Variants in MMP17 observed in about 807,000 individuals in gnomAD.
The protein encoded by MMP17 is matrix metalloproteinase-17.
Under a neutral mutation model 49.1 loss-of-function variants are expected in MMP17, and 54 were observed. The ratio of observed to expected loss-of-function variants is 1.10; its 90% CI spans 0.88 to 1.38. The LOEUF (loss-of-function observed/expected upper bound fraction) is 1.38. MMP17 is among the 40% of genes most tolerant of loss of function. The pLI is 0.00. For synonymous variants in MMP17, 397 were observed against 383.1 expected (o/e 1.04, Z -0.42); for missense variants, 837 against 853.7 (o/e 0.98, Z 0.24).
chr12:131,840,198 C>T, intron 3 of MMP17: 1 of 206,786 alleles, frequency 4.8e-6, no homozygotes, highest in Non-Finnish European at 9.8e-6. Flanking sequence ...AAAACTATCT[C>T]AGATGGGCCC....
Position 131,851,321 on chromosome 12 carries a change from G to T in MMP17, c.*47G>T. ...AGGACAGAGGCGGTGGGACAGCCTGGCCACAGAGGGCAAGGACTGTGCCGG... is the reference window on the plus strand; with the variant it reads ...AGGACAGAGGCGGTGGGACAGCCTGTCCACAGAGGGCAAGGACTGTGCCGG... On this transcript the variant is annotated 3_prime_UTR_variant, in exon 10 of 10. Coordinates refer to ENST00000360564, the MANE Select transcript of MMP17 (RefSeq NM_016155.7). 1 of 1,344,116 alleles carries T rather than the reference G, an allele frequency of 7.4e-7. No individual in the cohort carries two copies. Among genetic ancestry groups the T allele is most frequent in the Non-Finnish European group, 9.6e-7 (1 of 1,041,200 alleles). 83.3% of individuals were successfully genotyped at this position (1,344,116 alleles called of 1,614,324 possible). A position where few individuals can be genotyped will look rare whatever the true frequency, so the allele number is the denominator to read the frequency against.
chr12:131,840,613 A>T lies in MMP17; in HGVS notation c.463A>T (p.Thr155Ser), dbSNP rs554751581. 1 of 1,604,600 alleles carries T rather than the reference A, an allele frequency of 6.2e-7. No homozygotes were observed. The highest frequency in any genetic ancestry group is 8.5e-7 in the Non-Finnish European group (1 of 1,176,104). Residue 155 changes from threonine (T) to serine (S), a missense_variant, in exon 4 of 10, where the codon ACG (threonine) becomes TCG (serine). Thr to Ser is a moderately conservative substitution (Grantham distance 58, BLOSUM62 1). Transcript: ENST00000360564. ...ACGGGACTCACCACTGGGGCACGACACGGTGCGTGCACTCATGTACTACGC... is the reference window on the plus strand; with the variant it reads ...ACGGGACTCACCACTGGGGCACGACTCGGTGCGTGCACTCATGTACTACGC... Reference protein sequence around the residue: ...FPRDSPLGHDTVRALMYYALK... With the variant: ...FPRDSPLGHDSVRALMYYALK...
At chr12:131,832,322 G>A (rs56172022) in intron 1 of MMP17, among the ~76,000 whole-genome samples, 25,283 of 55,818 alleles carry the variant, frequency 0.45, 8,201 homozygotes, top group East Asian at 0.7. Context: ...CGGGAACGGG[G>A]AAGGCTGGAG....
intron 1 of MMP17, among the ~76,000 whole-genome samples, chr12:131,832,813 C>T (rs574427193): frequency 1.3e-5 from 2 of 152,180 alleles, no homozygotes; most frequent in African/African-American, 2.4e-5. Context: ...TTCTCCACCC[C>T]GCCCCCTGAC....
intron 5 of MMP17, among the ~76,000 whole-genome samples, chr12:131,843,573 T>C (rs1887537224): frequency 6.6e-6 from 1 of 152,164 alleles, no homozygotes; most frequent in Admixed American, 6.5e-5. Flanking sequence ...GCATAGCGTG[T>C]TCCAGGTTCA....
chr12:131,829,749 C>G (rs916683072), intron 1 of MMP17, among the ~76,000 whole-genome samples: 10 of 152,250 alleles, frequency 6.6e-5, no homozygotes, highest in African/African-American at 2.2e-4. Context: ...GGAGGGGCCA[C>G]TTGGGTGGCA....
chr12:131,837,828 A>G (rs1305477070), intron 1 of MMP17, among the ~76,000 whole-genome samples: 1 of 152,162 alleles, frequency 6.6e-6, no homozygotes, highest in Non-Finnish European at 1.5e-5. Flanking sequence ...CTCCTGCCTC[A>G]GCCTCCCGAG....
intron 3 of MMP17, 152 bp downstream of exon 3, chr12:131,838,893 G>C (rs1244407894): frequency 1.0e-6 from 1 of 981,570 alleles, no homozygotes; most frequent in African/African-American, 1.7e-5. Context: ...TGAGGAACAG[G>C]GTCTCCGTGG....
intron 6 of MMP17, 70 bp downstream of exon 6, chr12:131,844,151 T>G (rs890619300): frequency 2.5e-5 from 34 of 1,339,242 alleles, no homozygotes; most frequent in Non-Finnish European, 3.2e-5. Flanking sequence ...ACGCAACATT[T>G]GCCCCAAATC....
chr12:131,828,453 G>C lies in MMP17; in HGVS notation c.-42G>C. On this transcript the variant is annotated 5_prime_UTR_variant, in exon 1 of 10. Transcript: ENST00000360564. The stretch of plus-strand genomic sequence containing the variant: ...CGGGCTGCGGAACGCGAAGCGGAGG[G>C]CGCGGGACCCTGCACGCCGCCCGCG... The C allele has an allele frequency of 1.0e-6, 1 of 983,026 alleles. No homozygotes were observed. The highest frequency in any genetic ancestry group is 1.8e-5 in the African/African-American group (1 of 56,970). The allele number at this position is 983,026 out of a possible 1,614,324, so 60.9% of individuals were successfully genotyped here. A position where few individuals can be genotyped will look rare whatever the true frequency, so the allele number is the denominator to read the frequency against.
intron 1 of MMP17, among the ~76,000 whole-genome samples, chr12:131,834,297 C>A (rs910692238): frequency 1.2e-4 from 18 of 152,178 alleles, no homozygotes; most frequent in African/African-American, 3.1e-4. Flanking sequence ...CTCCTCCCGG[C>A]AGCCCCTCCC....
chr12:131,830,767 G>T (rs963988545), intron 1 of MMP17, among the ~76,000 whole-genome samples: 2 of 152,210 alleles, frequency 1.3e-5, no homozygotes, highest in Admixed American at 1.3e-4. Flanking sequence ...GGCCCGCCCC[G>T]GAGCGCCCCC....
intron 1 of MMP17, among the ~76,000 whole-genome samples, chr12:131,837,008 T>C (rs2136316892): frequency 6.6e-6 from 1 of 152,280 alleles, no homozygotes; most frequent in Non-Finnish European, 1.5e-5. Flanking sequence ...GACTGGGGCA[T>C]GGGGCCAGGG....
intron 6 of MMP17, chr12:131,844,388 C>T (rs1566090871): frequency 2.3e-6 from 1 of 431,522 alleles, no homozygotes; most frequent in Non-Finnish European, 4.1e-6. Flanking sequence ...GGATTCCCAG[C>T]ATCAGGAAGT....
At chr12:131,845,093 A>G in intron 6 of MMP17, 25 bp from the exon 7 acceptor site, 1 of 1,596,672 alleles carries the variant, frequency 6.3e-7, no homozygotes, top group Non-Finnish European at 8.5e-7. Context: ...CCCGCCTCCC[A>G]GCCCACCTGG....
At chr12:131,850,388 C>T (rs529635981) in intron 9 of MMP17, among the ~76,000 whole-genome samples, 1 of 152,352 alleles carries the variant, frequency 6.6e-6, no homozygotes, top group Admixed American at 6.5e-5. Context: ...CACACAGCCC[C>T]TCCCTCGCCG....
In MMP17 at chr12:131,828,657, A is replaced by C. The variant is rs1886636216; in HGVS notation, c.159+4A>C. 4.5e-6 allele frequency: 2 copies of C among 441,866 alleles called. No homozygotes were observed. The highest frequency in any genetic ancestry group is 1.2e-4 in the Admixed American group (2 of 16,810). 27.4% of individuals were successfully genotyped at this position (441,866 alleles called of 1,614,324 possible). A position where few individuals can be genotyped will look rare whatever the true frequency, so the allele number is the denominator to read the frequency against. On this transcript the variant is annotated splice_donor_region_variant and intron_variant, in intron 1 of 9. Transcript: ENST00000360564. ...CGAGGACCTCAGCCTGGGAGTGGTG[A>C]GCGCGCGGGCGGGACGGGCGCGGAG...
chr12:131,841,004 G>A (rs1483875534), intron 4 of MMP17, 148 bp downstream of exon 4: 44 of 1,075,804 alleles, frequency 4.1e-5, no homozygotes, highest in Admixed American at 8.7e-5. Context: ...CCACTAGGCC[G>A]ATCTCACAGC....
Position 131,841,627 on chromosome 12 carries a change from C to A in MMP17, c.710C>A (p.Ala237Asp). 1 of 1,614,018 alleles carries A rather than the reference C, an allele frequency of 6.2e-7. No individual in the cohort carries two copies. The highest frequency in any genetic ancestry group is 8.5e-7 in the Non-Finnish European group (1 of 1,180,014). ...DEAWTFRSSDAHGMDLFAVAV... is the reference protein window; with the variant it reads ...DEAWTFRSSDDHGMDLFAVAV... ...ACATGGCTCCCTGTGTCCCCAGATGCCCACGGGATGGACCTGTTTGCAGTG... is the reference window on the plus strand; with the variant it reads ...ACATGGCTCCCTGTGTCCCCAGATGACCACGGGATGGACCTGTTTGCAGTG... The change falls in exon 5 of 10, where the codon GCC becomes GAC. Residue 237 changes from alanine to aspartate, a missense_variant. Coordinates refer to ENST00000360564, the MANE Select transcript of MMP17 (RefSeq NM_016155.7).
Sources: allele counts gnomAD v4.1 joint callset (sites outside exome capture counted in the v4.1 genomes callset), GRCh38; gene constraint gnomAD v4.1.1; transcripts MANE v1.5; gene names NCBI Gene and HGNC (gene_info 2026-07-23, HGNC 2026-07-21).